WAC: variants seen among roughly 807,000 people sequenced by gnomAD.
WAC encodes WW domain containing adaptor with coiled-coil.
In WAC, 11 loss-of-function variants were observed where a neutral mutation model predicts 79.6. That is an observed-to-expected ratio of 0.14 (90% confidence interval 0.09 to 0.23). The LOEUF (loss-of-function observed/expected upper bound fraction) is 0.23. Ranked by LOEUF, WAC falls within the 10% of genes least tolerant of loss-of-function variation. The pLI is 1.00. For missense variants in WAC, 728 were observed against 773.5 expected (o/e 0.94, Z 0.70); for synonymous variants, 304 against 276.9 (o/e 1.10, Z -0.97).
intron 10 of WAC, 67 bp from the exon 11 acceptor site, chr10:28,614,500 C>T: frequency 8.3e-7 from 1 of 1,201,932 alleles, no homozygotes; most frequent in Non-Finnish European, 1.2e-6. Flanking sequence ...AAGACGATTA[C>T]CTAGATTTTG....
chr10:28,566,055 G>T (rs1258975138), intron 3 of WAC, among the ~76,000 whole-genome samples: 1 of 152,086 alleles, frequency 6.6e-6, no homozygotes, highest in Non-Finnish European at 1.5e-5. Context: ...AGTACTGAAG[G>T]CTACTTACTC....
In WAC at chr10:28,620,663, T is replaced by A. The variant is rs899851160; in HGVS notation, c.*1057T>A. On this transcript the variant is annotated 3_prime_UTR_variant, in exon 14 of 14. Transcript: ENST00000354911. ...AATTGAAATAATTCCTTAAGGGAGG[T>A]TTTGTTTAAAACGTATTAACAGGAA... is the stretch of plus-strand genomic sequence containing the variant. 6.6e-6 allele frequency: 1 copy of A among 152,210 alleles called. No homozygotes were observed. Among genetic ancestry groups the A allele is most frequent in the African/African-American group, 2.4e-5 (1 of 41,446 alleles). 9.4% of individuals were successfully genotyped at this position (152,210 alleles called of 1,614,324 possible).
At chr10:28,532,857 A>C (rs1033994518), upstream of WAC, 2 of 152,988 alleles carry the variant, frequency 1.3e-5, no homozygotes, top group Non-Finnish European at 2.9e-5. Context: ...GGAGCCCCTG[A>C]GATCAGCCTC....
At chr10:28,618,788 C>T (rs1163581809) in intron 13 of WAC, among the ~76,000 whole-genome samples, 3 of 152,212 alleles carry the variant, frequency 2.0e-5, no homozygotes, top group African/African-American at 7.2e-5. Flanking sequence ...TATGTACCTA[C>T]ATCTACATTG....
intron 3 of WAC, among the ~76,000 whole-genome samples, chr10:28,540,589 C>A (rs1023638604): frequency 1.1e-4 from 17 of 152,150 alleles, no homozygotes; most frequent in Non-Finnish European, 1.9e-4. Flanking sequence ...TTCTCTTAAT[C>A]CCTCATATTT....
At chr10:28,599,896 C>T (rs1375827132) in intron 7 of WAC, among the ~76,000 whole-genome samples, 1 of 152,074 alleles carries the variant, frequency 6.6e-6, no homozygotes, top group African/African-American at 2.4e-5. Context: ...GACCACCATA[C>T]AACAAGTAGA....
chr10:28,589,806 G>A lies in WAC; in HGVS notation c.452G>A (p.Arg151Gln), dbSNP rs766802511. The A allele has an allele frequency of 9.3e-6, 15 of 1,613,630 alleles. No individual in the cohort carries two copies. Among genetic ancestry groups the A allele is most frequent in the East Asian group, 2.2e-5 (1 of 44,826 alleles). The change falls in exon 5 of 14, where the codon CGA (arginine) becomes CAA (glutamine). Residue 151 changes from arginine to glutamine, a missense_variant. Arg to Gln is a conservative substitution (Grantham distance 43, BLOSUM62 1). Around this residue, in one of 3 missense-constraint regions of WAC, gnomAD observed 648 missense variants for 661.5 expected, o/e 0.98. Coordinates refer to ENST00000354911, the MANE Select transcript of WAC (RefSeq NM_016628.5). ...SSGKKYYYNC[R>Q]TEVSQWEKPK... Reference sequence around the variant, plus strand: ...GGGAAAAAGTACTACTACAATTGTCGAACAGAAGTTTCACAATGGGAAAAA... The same window carrying A: ...GGGAAAAAGTACTACTACAATTGTCAAACAGAAGTTTCACAATGGGAAAAA...
In WAC at chr10:28,533,494, C is replaced by CCCGCCG. The variant is rs968068478; in HGVS notation, c.-74_-69dup. On this transcript the variant is annotated 5_prime_UTR_variant, in exon 1 of 14. Transcript: ENST00000354911. ...GCCCAGGTGCCGGGGCTGCCCGCCG[C>CCCGCCG]CCGCCGCCGCCGCCGCCTGCGCGCC... is the stretch of plus-strand genomic sequence containing the variant. The CCCGCCG allele has an allele frequency of 1.8e-4, 162 of 888,632 alleles. 1 individual carries two copies. In the East Asian group the frequency reaches 8.7e-3, roughly 48 times the overall value. The allele number at this position is 888,632 out of a possible 1,614,324, so 55.0% of individuals were successfully genotyped here. A position where few individuals can be genotyped will look rare whatever the true frequency, so the allele number is the denominator to read the frequency against.
intron 3 of WAC, among the ~76,000 whole-genome samples, chr10:28,572,891 G>A (rs1185292481): frequency 6.6e-6 from 1 of 152,174 alleles, no homozygotes; most frequent in East Asian, 1.9e-4. Flanking sequence ...GTCAAAAGAA[G>A]TTAGAAACAT....
At chr10:28,556,221 C>T (rs1203143402) in intron 3 of WAC, among the ~76,000 whole-genome samples, 1 of 151,570 alleles carries the variant, frequency 6.6e-6, no homozygotes, top group African/African-American at 2.4e-5. Flanking sequence ...CTCACCAACA[C>T]TTAACCTCTT....
rs911384751 is a variant in WAC at position 28,533,836 on chromosome 10, C to T, written c.42-162C>T. On this transcript the variant is annotated intron_variant, in intron 1 of 13. Coordinates refer to ENST00000354911, the MANE Select transcript of WAC (RefSeq NM_016628.5). Reference sequence around the variant, plus strand: ...TCGCGGCATTTCGCCCTCTCCGGCCCTTCCGGAGGCTCCGGGTTTGTGCCG... The same window carrying T: ...TCGCGGCATTTCGCCCTCTCCGGCCTTTCCGGAGGCTCCGGGTTTGTGCCG... 2.2e-5 allele frequency: 23 copies of T among 1,037,736 alleles called. 1 individual carries two copies. The Middle Eastern group carries it at 2.5e-3, about 114-fold the overall frequency. 64.3% of individuals were successfully genotyped at this position (1,037,736 alleles called of 1,614,324 possible).
chr10:28,557,922 A>C (rs1463518331), intron 3 of WAC, among the ~76,000 whole-genome samples: 1 of 151,728 alleles, frequency 6.6e-6, no homozygotes, highest in South Asian at 2.1e-4. Context: ...AAAATACAAA[A>C]AATTAGCCGG....
Position 28,614,616 on chromosome 10 carries a change from A to G in WAC, c.1487A>G (p.Gln496Arg). ...GGACCAGTGTCACAGTCAGCCACAC[A>G]GCAGCCTGTAACTGCTGACAAGCAG... ...KQGPVSQSATQQPVTADKQQG... is the reference protein window; with the variant it reads ...KQGPVSQSATRQPVTADKQQG... The change falls in exon 11 of 14, where the codon CAG becomes CGG. Residue 496 changes from glutamine to arginine, a missense_variant. Gln to Arg is a conservative substitution (Grantham distance 43). This residue lies in a region of WAC where 648 missense variants were observed against 661.5 expected (regional missense o/e 0.98). Transcript: ENST00000354911. 1 of 1,614,210 alleles carries G rather than the reference A, an allele frequency of 6.2e-7. No homozygotes were observed. The highest frequency in any genetic ancestry group is 8.5e-7 in the Non-Finnish European group (1 of 1,180,030).
intron 3 of WAC, among the ~76,000 whole-genome samples, chr10:28,547,854 C>G (rs371937647): frequency 0.013 from 1,932 of 150,004 alleles, 45 homozygotes; most frequent in African/African-American, 0.045. Flanking sequence ...GGCCTTTTTT[C>G]GTTACTTCTA....
At position 28,610,833 on chromosome 10, in the gene WAC, C is replaced by A. The variant is rs1309805645; in HGVS notation, c.1288+12C>A. ...GCTCTCTACACAAGGTATTCTTACT[C>A]ATCTTAGATATCTCTAGAATGGCAT... On this transcript the variant is annotated intron_variant, in intron 9 of 13. Transcript: ENST00000354911. 4.4e-6 allele frequency: 7 copies of A among 1,587,544 alleles called. No homozygotes were observed. The highest frequency in any genetic ancestry group is 6.0e-6 in the Non-Finnish European group (7 of 1,171,928).
At chr10:28,554,548 C>T (rs1186992096) in intron 3 of WAC, among the ~76,000 whole-genome samples, 1 of 151,970 alleles carries the variant, frequency 6.6e-6, no homozygotes, top group Non-Finnish European at 1.5e-5. Context: ...ACGAATAGCT[C>T]GTGAATTTGT....
Position 28,603,437 on chromosome 10 carries a change from CA to C in WAC, c.920-4748del, listed in dbSNP as rs573683288. 3.5e-4 allele frequency among the ~76,000 whole-genome samples: 53 copies of C among 152,240 alleles called. No homozygotes were observed. The East Asian group carries it at 6.8e-3, about 19-fold the overall frequency. On this transcript the variant is annotated intron_variant, in intron 7 of 13. Transcript: ENST00000354911. ...TATATTCTTCAAGCGCAGAAGAAAG[CA>C]TTGAACTGACTTTTTAATGAAAAAC... is the stretch of plus-strand genomic sequence containing the variant.
intron 4 of WAC, among the ~76,000 whole-genome samples, chr10:28,587,477 G>C (rs944533942): frequency 1.3e-5 from 2 of 152,154 alleles, no homozygotes; most frequent in South Asian, 4.1e-4. Context: ...AGGCTGTTGG[G>C]GTTCCCCAAG....
At position 28,609,636 on chromosome 10, in the gene WAC, T is replaced by G. The variant is rs932576236; in HGVS notation, c.1166-1063T>G. Reference sequence around the variant, plus strand: ...AGATGCAGTGGCTCATGCCTGTAATTCCAGCACTTGCTGAGGCTGGTGGGC... The same window carrying G: ...AGATGCAGTGGCTCATGCCTGTAATGCCAGCACTTGCTGAGGCTGGTGGGC... On this transcript the variant is annotated intron_variant, in intron 8 of 13. Coordinates refer to ENST00000354911, the MANE Select transcript of WAC (RefSeq NM_016628.5). Among the ~76,000 whole-genome samples, 3 of 152,138 alleles carry G rather than the reference T, an allele frequency of 2.0e-5. No individual in the cohort carries two copies. The South Asian group carries it at 6.2e-4, about 31-fold the overall frequency.
Sources: gnomAD v4.1 joint callset for allele counts (sites outside exome capture counted in the v4.1 genomes callset) on GRCh38, gnomAD v4.1.1 for gene constraint, gnomAD v4.1.1 regional missense constraint, MANE v1.5 for transcripts, NCBI Gene and HGNC (gene_info 2026-07-23, HGNC 2026-07-21) for gene names.